Variants in DSCAM observed in about 807,000 individuals in gnomAD.
DSCAM encodes DS cell adhesion molecule.
DSCAM carries 47 observed loss-of-function variants against 217.7 expected under a neutral mutation model. That is an observed-to-expected ratio of 0.22 (90% CI 0.17 to 0.28). DSCAM has a LOEUF of 0.28. DSCAM is among the 10% of genes least tolerant of loss of function. The probability of loss-of-function intolerance (pLI) is 1.00; values close to 1 mark genes in which losing one functional copy is unlikely to be tolerated. For synonymous variants in DSCAM, 1,056 were observed against 1,015.3 expected (o/e 1.04, Z -0.76); for missense variants, 2,080 against 2,618.3 (o/e 0.79, Z 4.49).
chr21:40,382,028 G>C (rs1000587885), intron 3 of DSCAM, among the ~76,000 whole-genome samples: 4 of 152,240 alleles, frequency 2.6e-5, no homozygotes, highest in Admixed American at 2.6e-4. Context: ...CTGTGAGTCA[G>C]AGCAAAAAAT....
At chr21:40,513,025 G>C (rs758614090) in intron 3 of DSCAM, 13 of 152,142 alleles carry the variant, frequency 8.5e-5, no homozygotes, top group African/African-American at 7.2e-5. Flanking sequence ...TCAGCCTCCC[G>C]TGTAGCTGGT....
chr21:40,172,533 T>TG (rs2090670561), intron 15 of DSCAM, among the ~76,000 whole-genome samples: 1 of 152,236 alleles, frequency 6.6e-6, no homozygotes, highest in African/African-American at 2.4e-5. Flanking sequence ...CCTCCCCAGC[T>TG]GGACAACCTC....
chr21:40,527,185 C>A (rs543340452), intron 3 of DSCAM, among the ~76,000 whole-genome samples: 1 of 152,188 alleles, frequency 6.6e-6, no homozygotes, highest in East Asian at 1.9e-4. Context: ...TCCAGCCACA[C>A]TGCCTTCAGA....
chr21:40,243,143 T>C (rs1054475023), intron 11 of DSCAM, among the ~76,000 whole-genome samples: 1 of 152,216 alleles, frequency 6.6e-6, no homozygotes, highest in African/African-American at 2.4e-5. Flanking sequence ...AATGTTCTCA[T>C]GTATTTAGAC....
chr21:40,069,795 G>A (rs893308338), intron 27 of DSCAM, among the ~76,000 whole-genome samples: 9 of 152,130 alleles, frequency 5.9e-5, no homozygotes, highest in Non-Finnish European at 1.2e-4. Flanking sequence ...CTATAAACCT[G>A]CATTTATGTT....
chr21:40,612,760 T>G (rs181327283), intron 3 of DSCAM, among the ~76,000 whole-genome samples: 1 of 152,284 alleles, frequency 6.6e-6, no homozygotes, highest in Admixed American at 6.5e-5. Context: ...AAGAAGGACA[T>G]GTGTGGACAA....
intron 9 of DSCAM, among the ~76,000 whole-genome samples, chr21:40,297,002 C>A (rs1173631435): frequency 6.6e-6 from 1 of 152,034 alleles, no homozygotes; most frequent in Non-Finnish European, 1.5e-5. Flanking sequence ...TAAAGGCAAT[C>A]GAGAATACAA....
At chr21:40,625,869 T>TCCTCA (rs2089594322) in intron 3 of DSCAM, among the ~76,000 whole-genome samples, 1 of 152,168 alleles carries the variant, frequency 6.6e-6, no homozygotes, top group South Asian at 2.1e-4. Flanking sequence ...CACACAATCT[T>TCCTCA]CCTCACCTCT....
At chr21:40,602,320 C>G (rs1427789531) in intron 3 of DSCAM, among the ~76,000 whole-genome samples, 5 of 152,148 alleles carry the variant, frequency 3.3e-5, no homozygotes. Flanking sequence ...TGCGGCTTCT[C>G]AAAGTGCTGA....
chr21:40,328,081 C>T (rs1221005446), intron 8 of DSCAM, among the ~76,000 whole-genome samples: 1 of 151,970 alleles, frequency 6.6e-6, no homozygotes, highest in Non-Finnish European at 1.5e-5. Flanking sequence ...AAGTGACCTA[C>T]AGAGTCAATG....
intron 32 of DSCAM, among the ~76,000 whole-genome samples, chr21:40,041,505 A>G (rs1440330094): frequency 6.6e-6 from 1 of 152,004 alleles, no homozygotes; most frequent in Non-Finnish European, 1.5e-5. Context: ...CCCCATTTCC[A>G]CTTGCGATCA....
At chr21:40,793,610 C>T (rs1221444189) in intron 1 of DSCAM, among the ~76,000 whole-genome samples, 1 of 152,094 alleles carries the variant, frequency 6.6e-6, no homozygotes, top group Non-Finnish European at 1.5e-5. Flanking sequence ...TCTGCCTCAG[C>T]CTCCCGGGTA....
At chr21:40,553,127 C>T (rs2076643619) in intron 3 of DSCAM, among the ~76,000 whole-genome samples, 1 of 152,184 alleles carries the variant, frequency 6.6e-6, no homozygotes, top group African/African-American at 2.4e-5. Flanking sequence ...GACAAAGCCT[C>T]TTAGGGACAG....
At chr21:40,320,435 A>AT (rs11406814) in intron 8 of DSCAM, among the ~76,000 whole-genome samples, 76,075 of 151,964 alleles carry the variant, frequency 0.5, 19,363 homozygotes, top group South Asian at 0.63. Flanking sequence ...GTATCACACA[A>AT]TTTTTTTATA....
In DSCAM at chr21:40,829,835, C is replaced by T. The variant is rs76056069; in HGVS notation, c.43+16784G>A. Among the ~76,000 whole-genome samples, 114 of 152,274 alleles carry T rather than the reference C, an allele frequency of 7.5e-4. No individual in the cohort carries two copies. In the East Asian group the frequency reaches 0.02, roughly 26 times the overall value. Reference sequence around the variant, plus strand: ...GGCCACAAGTGCTTGGCAATGTTTTCGTGACTGAGCCTCTCATCTCAGGAA... The same window carrying T: ...GGCCACAAGTGCTTGGCAATGTTTTTGTGACTGAGCCTCTCATCTCAGGAA... On this transcript the variant is annotated intron_variant, in intron 1 of 32. Coordinates refer to ENST00000400454, the MANE Select transcript of DSCAM (RefSeq NM_001389.5).
At chr21:40,055,701 A>G (rs762288928) in intron 29 of DSCAM, 24 bp downstream of exon 29, 13 of 1,581,778 alleles carry the variant, frequency 8.2e-6, no homozygotes, top group Non-Finnish European at 9.5e-6. Flanking sequence ...CACTTTGTGT[A>G]AAGTGGCAAA....
intron 3 of DSCAM, among the ~76,000 whole-genome samples, chr21:40,452,974 A>G (rs1368849276): frequency 6.6e-6 from 1 of 151,258 alleles, no homozygotes; most frequent in African/African-American, 2.4e-5. Flanking sequence ...GGATATTTCC[A>G]GTCTTTCTTT....
chr21:40,613,235 A>T (rs2089340164), intron 3 of DSCAM, among the ~76,000 whole-genome samples: 1 of 152,230 alleles, frequency 6.6e-6, no homozygotes, highest in African/African-American at 2.4e-5. Flanking sequence ...AATGTTTTAA[A>T]TAGGAACAAA....
chr21:40,645,111 C>T (rs2089930232), intron 3 of DSCAM, among the ~76,000 whole-genome samples: 1 of 152,148 alleles, frequency 6.6e-6, no homozygotes, highest in Non-Finnish European at 1.5e-5. Context: ...GCATGATGGG[C>T]TCTTTTGAGA....
Sources: allele counts gnomAD v4.1 joint callset (sites outside exome capture counted in the v4.1 genomes callset), GRCh38; gene constraint gnomAD v4.1.1; transcripts MANE v1.5; gene names NCBI Gene and HGNC (gene_info 2026-07-23, HGNC 2026-07-21).